Variants in MACROD2 observed in about 807,000 individuals in gnomAD.
The protein encoded by MACROD2 is ADP-ribose glycohydrolase MACROD2.
Under a neutral mutation model 70.4 loss-of-function variants are expected in MACROD2, and 36 were observed. That is an observed-to-expected ratio of 0.51 (90% CI 0.39 to 0.68). MACROD2 has a LOEUF of 0.68. Among genes scored for constraint, MACROD2 ranks in the 30% least tolerant of loss-of-function variants. MACROD2 has a pLI of 0.00. For synonymous variants in MACROD2, 172 were observed against 178.8 expected, an observed-to-expected ratio of 0.96 and a Z score of 0.30; for missense variants, 496 against 538.4, an observed-to-expected ratio of 0.92 and a Z score of 0.78.
At chr20:14,273,240 G>A (rs1343206391) in intron 3 of MACROD2, among the ~76,000 whole-genome samples, 1 of 152,008 alleles carries the variant, frequency 6.6e-6, no homozygotes, top group Non-Finnish European at 1.5e-5. Flanking sequence ...CCACATAGTT[G>A]GATGTAAAGC....
At chr20:14,996,343 A>G (rs903786882) in intron 5 of MACROD2, among the ~76,000 whole-genome samples, 1 of 152,168 alleles carries the variant, frequency 6.6e-6, no homozygotes, top group African/African-American at 2.4e-5. Flanking sequence ...ACCTCCAGGA[A>G]TCTGTTACAT....
intron 8 of MACROD2, among the ~76,000 whole-genome samples, chr20:15,765,631 T>C (rs530151547): frequency 1.3e-5 from 2 of 152,198 alleles, no homozygotes; most frequent in South Asian, 4.1e-4. Flanking sequence ...TATTTATGTG[T>C]TTTTTGTGTT....
Position 14,170,575 on chromosome 20 carries a change from G to A in MACROD2, c.271+84847G>A, listed in dbSNP as rs551594976. ...ATAAAGGGATGCTGGATTTTGTCAG[G>A]TGCTTTTTCTGCTTCTATTGAGATG... is the stretch of plus-strand genomic sequence containing the variant. On this transcript the variant is annotated intron_variant, in intron 3 of 17. Coordinates refer to ENST00000684519, the MANE Select transcript of MACROD2 (RefSeq NM_001351661.2). 3.9e-5 allele frequency among the ~76,000 whole-genome samples: 6 copies of A among 152,228 alleles called. No individual in the cohort carries two copies. The South Asian group carries it at 1.0e-3, about 26-fold the overall frequency.
intron 15 of MACROD2, among the ~76,000 whole-genome samples, chr20:16,006,682 C>T (rs565032046): frequency 2.0e-4 from 31 of 152,210 alleles, no homozygotes; most frequent in Non-Finnish European, 4.1e-4. Context: ...GGCTCTCCCT[C>T]GAATTGGGTG....
At chr20:14,579,199 T>C (rs1438953710) in intron 4 of MACROD2, among the ~76,000 whole-genome samples, 2 of 133,230 alleles carry the variant, frequency 1.5e-5, no homozygotes, top group African/African-American at 2.8e-5. Flanking sequence ...CGGACTGCAG[T>C]GGCGCAATCT....
chr20:15,149,139 G>C (rs559792236), intron 5 of MACROD2, among the ~76,000 whole-genome samples: 1 of 152,050 alleles, frequency 6.6e-6, no homozygotes, highest in Non-Finnish European at 1.5e-5. Context: ...CCAGTCCTGG[G>C]TGGAGGCAAA....
chr20:14,493,378 G>A, intron 3 of MACROD2, 101 bp from the exon 4 acceptor site: 3 of 933,892 alleles, frequency 3.2e-6, no homozygotes, highest in Non-Finnish European at 5.1e-6. Flanking sequence ...GTATGTATAT[G>A]AGACATATGA....
intron 3 of MACROD2, among the ~76,000 whole-genome samples, chr20:14,346,166 CTTGAAGT>C (rs1339744664): frequency 7.5e-6 from 1 of 133,842 alleles, no homozygotes; most frequent in African/African-American, 2.8e-5. Context: ...CTTGCATTTT[CTTGAAGT>C]TTGAAGTTTA....
chr20:15,327,329 G>A (rs554863526), intron 6 of MACROD2, among the ~76,000 whole-genome samples: 25 of 152,128 alleles, frequency 1.6e-4, no homozygotes, highest in African/African-American at 4.6e-4. Context: ...TCACAAAGGC[G>A]AGGAGAAGGT....
intron 3 of MACROD2, among the ~76,000 whole-genome samples, chr20:14,311,608 C>T (rs1276588533): frequency 6.6e-6 from 1 of 152,158 alleles, no homozygotes; most frequent in Non-Finnish European, 1.5e-5. Context: ...ACCTCTGCCT[C>T]CTGGGTTCAA....
intron 5 of MACROD2, among the ~76,000 whole-genome samples, chr20:14,970,455 T>A (rs2074680353): frequency 6.6e-6 from 1 of 152,188 alleles, no homozygotes; most frequent in African/African-American, 2.4e-5. Flanking sequence ...AGAGGCTTTT[T>A]ATTGCAGACC....
chr20:15,647,950 C>T lies in MACROD2; in HGVS notation c.645+148103C>T, dbSNP rs551150763. Among the ~76,000 whole-genome samples, 47 of 152,252 alleles carry T rather than the reference C, an allele frequency of 3.1e-4. No individual in the cohort carries two copies. In the South Asian group the frequency reaches 9.3e-3, roughly 30 times the overall value. The stretch of plus-strand genomic sequence containing the variant: ...GCCAGGCTGTTCTCAAACTCCTGAC[C>T]TCAAGTAATCTGCCCGCCTTGGCCT... On this transcript the variant is annotated intron_variant, in intron 8 of 17. Coordinates refer to ENST00000684519, the MANE Select transcript of MACROD2 (RefSeq NM_001351661.2).
At chr20:15,079,484 A>T (rs1194852607) in intron 5 of MACROD2, among the ~76,000 whole-genome samples, 1 of 152,090 alleles carries the variant, frequency 6.6e-6, no homozygotes, top group African/African-American at 2.4e-5. Flanking sequence ...TTCTTTGACT[A>T]CTACTTCTTA....
intron 4 of MACROD2, among the ~76,000 whole-genome samples, chr20:14,500,326 G>A (rs2084902852): frequency 6.6e-6 from 1 of 152,180 alleles, no homozygotes; most frequent in African/African-American, 2.4e-5. Flanking sequence ...GGCAAAGTCT[G>A]GTGGTCATCG....
chr20:14,308,014 A>T (rs932981348), intron 3 of MACROD2, among the ~76,000 whole-genome samples: 1 of 152,166 alleles, frequency 6.6e-6, no homozygotes, highest in East Asian at 1.9e-4. Flanking sequence ...TGTTCCAACT[A>T]TAATGTGTTG....
intron 3 of MACROD2, among the ~76,000 whole-genome samples, chr20:14,307,666 A>G (rs774446336): frequency 6.6e-6 from 1 of 152,132 alleles, no homozygotes; most frequent in Non-Finnish European, 1.5e-5. Flanking sequence ...ATGTTGTCAG[A>G]TGTTGCCTGT....
chr20:14,411,046 G>A (rs1302216498), intron 3 of MACROD2, among the ~76,000 whole-genome samples: 1 of 152,154 alleles, frequency 6.6e-6, no homozygotes, highest in African/African-American at 2.4e-5. Context: ...CACTGGGCAT[G>A]AGGTAGTCCA....
At chr20:14,774,980 G>T (rs1199744358) in intron 5 of MACROD2, among the ~76,000 whole-genome samples, 1 of 152,092 alleles carries the variant, frequency 6.6e-6, no homozygotes, top group Non-Finnish European at 1.5e-5. Flanking sequence ...AAAATTTGTT[G>T]CTGTAGCTAC....
chr20:15,906,850 T>A (rs1164321523), intron 10 of MACROD2, among the ~76,000 whole-genome samples: 1 of 152,224 alleles, frequency 6.6e-6, no homozygotes, highest in Non-Finnish European at 1.5e-5. Flanking sequence ...CATGGCAGGC[T>A]ATGAAGGGCC....
Sources: allele counts gnomAD v4.1 joint callset (sites outside exome capture counted in the v4.1 genomes callset), GRCh38; gene constraint gnomAD v4.1.1; transcripts MANE v1.5; gene names NCBI Gene and HGNC (gene_info 2026-07-23, HGNC 2026-07-21).